PRKN: variants seen among roughly 807,000 people sequenced by gnomAD.
PRKN encodes E3 ubiquitin-protein ligase parkin.
PRKN carries 56 observed loss-of-function variants against 59.5 expected under a neutral mutation model. The observed-to-expected ratio is 0.94, with a 90% CI of 0.76 to 1.18. PRKN has a LOEUF of 1.18. Among genes scored for constraint, PRKN ranks in the 50% most tolerant of loss-of-function variants. The pLI is 0.00. For synonymous variants in PRKN, 250 were observed against 222.1 expected (o/e 1.13, Z -1.12); for missense variants, 657 against 596.4 (o/e 1.10, Z -1.06).
At chr6:161,669,639 A>G (rs575682279) in intron 7 of PRKN, among the ~76,000 whole-genome samples, 3 of 152,352 alleles carry the variant, frequency 2.0e-5, no homozygotes, top group African/African-American at 7.2e-5. Flanking sequence ...GTCTCTTTAA[A>G]AATGGTTCTT....
chr6:161,980,469 C>T (rs1172426932), intron 5 of PRKN, among the ~76,000 whole-genome samples: 11 of 152,064 alleles, frequency 7.2e-5, no homozygotes, highest in South Asian at 2.1e-4. Context: ...GTTCAACTGA[C>T]GGAATTGAAT....
At chr6:162,568,442 CG>C in intron 1 of PRKN, 6 of 608,652 alleles carry the variant, frequency 9.9e-6, no homozygotes, top group South Asian at 1.6e-5. Context: ...CAGCAGCTTC[CG>C]GGGGTGGCCT....
At chr6:162,276,699 G>GTGTGTC (rs1554294365) in intron 2 of PRKN, among the ~76,000 whole-genome samples, 3,084 of 148,184 alleles carry the variant, frequency 0.021, 48 homozygotes, top group Middle Eastern at 0.058. Flanking sequence ...TGGTGTGTGT[G>GTGTGTC]TGTGTGTCTG....
At position 162,302,682 on chromosome 6, in the gene PRKN, A is replaced by G. The variant is rs535441343; in HGVS notation, c.172-39917T>C. On this transcript the variant is annotated intron_variant, in intron 2 of 11. Coordinates refer to ENST00000366898, the MANE Select transcript of PRKN (RefSeq NM_004562.3). ...GACACCTTGATTTCAATCTTGTGGC[A>G]CTCCAAACACAGAACACATCTATCT... Among the ~76,000 whole-genome samples, 13 of 151,992 alleles carry G rather than the reference A, an allele frequency of 8.6e-5. 1 individual carries two copies. In the South Asian group the frequency reaches 2.7e-3, roughly 32 times the overall value.
intron 1 of PRKN, among the ~76,000 whole-genome samples, chr6:162,523,231 C>T (rs1778144613): frequency 2.0e-5 from 3 of 152,146 alleles, no homozygotes; most frequent in South Asian, 4.1e-4. Flanking sequence ...TGGGAATTCA[C>T]AGGACAGTGG....
At chr6:161,751,353 C>T (rs975305946) in intron 7 of PRKN, among the ~76,000 whole-genome samples, 2 of 152,188 alleles carry the variant, frequency 1.3e-5, no homozygotes, top group African/African-American at 4.8e-5. Context: ...TATCAGCCAG[C>T]TGAATAGCTT....
rs573702003 is a variant in PRKN, at chr6:162,183,215, T to C, written c.534+17916A>G. On this transcript the variant is annotated intron_variant, in intron 4 of 11. Coordinates refer to ENST00000366898, the MANE Select transcript of PRKN (RefSeq NM_004562.3). The stretch of plus-strand genomic sequence containing the variant: ...ACCACATGCATTGGAAGGTGGCTGC[T>C]ATTCAGATAGGGAAGATGTAAGAGG... Among the ~76,000 whole-genome samples the C allele has an allele frequency of 5.3e-5, 8 of 152,230 alleles. No individual in the cohort carries two copies. The East Asian group carries it at 1.4e-3, about 26-fold the overall frequency.
At chr6:161,879,570 T>C (rs557371962) in intron 6 of PRKN, among the ~76,000 whole-genome samples, 1 of 152,124 alleles carries the variant, frequency 6.6e-6, no homozygotes, top group South Asian at 2.1e-4. Context: ...ATGGTCTCGA[T>C]CTCCTGACCT....
In PRKN at chr6:161,377,025, G is replaced by T. The variant is rs955115878; in HGVS notation, c.1167+9769C>A. Among the ~76,000 whole-genome samples, 1 of 152,256 alleles carries T rather than the reference G, an allele frequency of 6.6e-6. No homozygotes were observed. Among genetic ancestry groups the T allele is most frequent in the South Asian group, 2.1e-4 (1 of 4,834 alleles). ...GGGGCCCCGAGGAGCAAAGGGCAGG[G>T]TCAGGCGGCATGCAAGCGCCCTGTC... On this transcript the variant is annotated intron_variant, in intron 10 of 11. Transcript: ENST00000366898. This position sits in a 1 kb window ranked among gnomAD's most constrained non-coding sequence, Gnocchi z 4.2.
At chr6:162,023,259 T>G (rs1783280910) in intron 5 of PRKN, among the ~76,000 whole-genome samples, 1 of 152,076 alleles carries the variant, frequency 6.6e-6, no homozygotes, top group East Asian at 1.9e-4. Context: ...GGGCACCTTG[T>G]GTTAATCAAC....
At chr6:162,399,438 T>C (rs1329742492) in intron 2 of PRKN, among the ~76,000 whole-genome samples, 1 of 152,094 alleles carries the variant, frequency 6.6e-6, no homozygotes, top group Non-Finnish European at 1.5e-5. Context: ...AATACTAGAA[T>C]AGCAGGTGGA....
At chr6:162,272,252 C>A (rs1780427765) in intron 2 of PRKN, among the ~76,000 whole-genome samples, 1 of 152,132 alleles carries the variant, frequency 6.6e-6, no homozygotes, top group Admixed American at 6.6e-5. Context: ...TTCCCTCTTT[C>A]ATGAATACAA....
At chr6:162,489,941 AT>A (rs1338343867) in intron 1 of PRKN, among the ~76,000 whole-genome samples, 4 of 152,148 alleles carry the variant, frequency 2.6e-5, no homozygotes, top group Admixed American at 2.0e-4. Flanking sequence ...TATACCTTAA[AT>A]CCTTGTTTCT....
intron 1 of PRKN, among the ~76,000 whole-genome samples, chr6:162,682,668 G>A (rs1779816750): frequency 6.6e-6 from 1 of 152,052 alleles, no homozygotes; most frequent in Non-Finnish European, 1.5e-5. Flanking sequence ...TCCACTACCT[G>A]GGTCATGAAA....
At chr6:161,449,681 C>A (rs970583045) in intron 9 of PRKN, among the ~76,000 whole-genome samples, 31 of 152,106 alleles carry the variant, frequency 2.0e-4, no homozygotes, top group African/African-American at 7.2e-4. Context: ...AAATCAGAAC[C>A]AAAGTGCAGA....
chr6:162,309,503 G>A (rs924415050), intron 2 of PRKN, among the ~76,000 whole-genome samples: 6 of 152,164 alleles, frequency 3.9e-5, no homozygotes, highest in African/African-American at 1.4e-4. Flanking sequence ...CATCCAGGGG[G>A]ATAGGATCAG....
At chr6:162,671,763 T>A (rs1779329016) in intron 1 of PRKN, among the ~76,000 whole-genome samples, 1 of 151,598 alleles carries the variant, frequency 6.6e-6, no homozygotes, top group Non-Finnish European at 1.5e-5. Context: ...ATAAAACTAT[T>A]AAATAAAATA....
intron 1 of PRKN, among the ~76,000 whole-genome samples, chr6:162,680,224 G>A (rs1779718737): frequency 6.6e-6 from 1 of 150,492 alleles, no homozygotes; most frequent in Non-Finnish European, 1.5e-5. Flanking sequence ...ATGTTTATAT[G>A]TACTATGTAC....
chr6:161,991,473 ATTAATAATAAC>A (rs2091470060), intron 5 of PRKN, among the ~76,000 whole-genome samples: 1 of 152,238 alleles, frequency 6.6e-6, no homozygotes, highest in African/African-American at 2.4e-5. Context: ...GTCTTTACTC[ATTAATAATAAC>A]TTCAAATGTA....
Sources: allele counts gnomAD v4.1 joint callset (sites outside exome capture counted in the v4.1 genomes callset), GRCh38; gene constraint gnomAD v4.1.1; non-coding constraint Gnocchi (gnomAD v3.1); transcripts MANE v1.5; gene names NCBI Gene and HGNC (gene_info 2026-07-23, HGNC 2026-07-21).